DENND4C: variants seen among roughly 807,000 people sequenced by gnomAD.
DENND4C encodes the protein DENN domain-containing protein 4C.
In DENND4C, 108 loss-of-function variants were observed where a neutral mutation model predicts 203.0. That is an observed-to-expected ratio of 0.53 (90% CI 0.46 to 0.62). DENND4C has a LOEUF of 0.62. DENND4C is among the 20% of genes least tolerant of loss of function. The pLI is 0.00. For missense variants in DENND4C, 2,481 were observed against 2,301.2 expected, an observed-to-expected ratio of 1.08 and a Z score of -1.60; for synonymous variants, 871 against 792.4, an observed-to-expected ratio of 1.10 and a Z score of -1.67.
intron 20 of DENND4C, among the ~76,000 whole-genome samples, chr9:19,338,615 T>C (rs927625521): frequency 6.6e-6 from 1 of 152,208 alleles, no homozygotes; most frequent in African/African-American, 2.4e-5. Context: ...GCTCATTTCA[T>C]TAAGGATTAT....
chr9:19,230,882 C>T (rs1194204780), intron 1 of DENND4C, 49 bp downstream of exon 1: 2 of 152,388 alleles, frequency 1.3e-5, no homozygotes, highest in Non-Finnish European at 2.9e-5. Context: ...GCGCCGTGCC[C>T]TCGCGGGGCC....
intron 10 of DENND4C, among the ~76,000 whole-genome samples, chr9:19,310,089 G>A (rs1292158743): frequency 1.3e-5 from 2 of 151,990 alleles, no homozygotes; most frequent in African/African-American, 2.4e-5. Context: ...CTTTCTACTT[G>A]TTGCTAGGAA....
chr9:19,239,133 A>G (rs952123176), intron 1 of DENND4C, among the ~76,000 whole-genome samples: 1 of 151,392 alleles, frequency 6.6e-6, no homozygotes, highest in Non-Finnish European at 1.5e-5. Flanking sequence ...TTTTCCCTCT[A>G]CTTCCCCTTG....
chr9:19,342,780 G>A lies in DENND4C; in HGVS notation c.3151+1G>A, dbSNP rs1821942170. 1 of 1,592,710 alleles carries A rather than the reference G, an allele frequency of 6.3e-7. No individual in the cohort carries two copies. Among genetic ancestry groups the A allele is most frequent in the Non-Finnish European group, 8.5e-7 (1 of 1,171,962 alleles). ...GTCAACAGCAGGAAAAGTAGCACTG[G>A]TGAGTCTTTACATTTTGGTTATTAA... On this transcript the variant is annotated splice_donor_variant, in intron 22 of 32. Coordinates refer to ENST00000434457, the MANE Select transcript of DENND4C (RefSeq NM_001330640.2). LOFTEE classifies it high-confidence loss of function.
At chr9:19,246,116 CAGTA>C (rs1564081983) in intron 1 of DENND4C, among the ~76,000 whole-genome samples, 2 of 150,768 alleles carry the variant, frequency 1.3e-5, no homozygotes, top group African/African-American at 5.0e-5. Flanking sequence ...ATAAAAATTT[CAGTA>C]AGTATTAGTG....
rs200556456 is a variant in DENND4C at position 19,326,123 on chromosome 9, T to C, written c.2049T>C (p.Ser683=). The part of the protein sequence containing the change: ...RLIELDDSQK[S]EHTVFIMPPE... ...TAGAACTAGATGATTCACAGAAAAGTGAGCATACTGTATTTATAATGCCGC... is the reference window on the plus strand; with the variant it reads ...TAGAACTAGATGATTCACAGAAAAGCGAGCATACTGTATTTATAATGCCGC... The change falls in exon 15 of 33, where the codon AGT becomes AGC. Residue 683 remains serine (S), a synonymous_variant. Coordinates refer to ENST00000434457, the MANE Select transcript of DENND4C (RefSeq NM_001330640.2). 6.2e-7 allele frequency: 1 copy of C among 1,613,452 alleles called. No homozygotes were observed. Among genetic ancestry groups the C allele is most frequent in the South Asian group, 1.1e-5 (1 of 90,932 alleles).
intron 2 of DENND4C, among the ~76,000 whole-genome samples, chr9:19,278,528 C>T (rs2175379): frequency 0.24 from 37,013 of 151,848 alleles, 4,656 homozygotes; most frequent in East Asian, 0.44. Flanking sequence ...AGAGCTCTGG[C>T]GAAATTGTTA....
intron 13 of DENND4C, 32 bp from the exon 14 acceptor site, chr9:19,325,907 T>G: frequency 6.3e-7 from 1 of 1,584,620 alleles, no homozygotes; most frequent in Admixed American, 1.8e-5. Flanking sequence ...TAGTGGACAT[T>G]TTCATTAAGA....
intron 30 of DENND4C, 89 bp downstream of exon 30, chr9:19,362,052 C>G: frequency 1.4e-6 from 1 of 698,292 alleles, no homozygotes; most frequent in Non-Finnish European, 2.4e-6. Context: ...GGCTGGCGGA[C>G]CACTTGAGGT....
intron 1 of DENND4C, among the ~76,000 whole-genome samples, chr9:19,251,133 C>T (rs187629277): frequency 1.3e-5 from 2 of 152,364 alleles, no homozygotes. Context: ...TCTTCCTGCC[C>T]ATCCAGGCAT....
At chr9:19,249,517 A>G (rs1049261766) in intron 1 of DENND4C, among the ~76,000 whole-genome samples, 1 of 152,120 alleles carries the variant, frequency 6.6e-6, no homozygotes, top group African/African-American at 2.4e-5. Flanking sequence ...CGGCCTCCCA[A>G]AGTGCTGGGA....
intron 23 of DENND4C, among the ~76,000 whole-genome samples, chr9:19,348,026 A>C (rs1387297116): frequency 6.6e-6 from 1 of 152,246 alleles, no homozygotes; most frequent in African/African-American, 2.4e-5. Context: ...ATAGTATTTG[A>C]GTACTTTAGT....
chr9:19,374,178 A>G lies in DENND4C; in HGVS notation c.*2005A>G, dbSNP rs1004759298. Among the ~76,000 whole-genome samples, 21 of 152,198 alleles carry G rather than the reference A, an allele frequency of 1.4e-4. No homozygotes were observed. The highest frequency in any genetic ancestry group is 2.4e-4 in the Non-Finnish European group (16 of 68,010). On this transcript the variant is annotated 3_prime_UTR_variant, in exon 33 of 33. Coordinates refer to ENST00000434457, the MANE Select transcript of DENND4C (RefSeq NM_001330640.2). ...GAAATCTGTAATCTTTAGAATCCCA[A>G]TATTTTGTTTTTTCCATTCCTTCAC...
chr9:19,272,754 G>GT (rs1831992812), intron 1 of DENND4C, among the ~76,000 whole-genome samples: 2 of 151,826 alleles, frequency 1.3e-5, no homozygotes, highest in African/African-American at 4.8e-5. Context: ...GATTAGACAT[G>GT]TTTTTTTATT....
intron 1 of DENND4C, among the ~76,000 whole-genome samples, chr9:19,254,898 G>A (rs1441386533): frequency 6.6e-6 from 1 of 152,146 alleles, no homozygotes; most frequent in African/African-American, 2.4e-5. Flanking sequence ...TTGGGAGGCT[G>A]AGGCGTGTAG....
At chr9:19,306,795 T>A (rs367936855) in intron 10 of DENND4C, among the ~76,000 whole-genome samples, 1 of 132,292 alleles carries the variant, frequency 7.6e-6, no homozygotes, top group Non-Finnish European at 1.7e-5. Flanking sequence ...TTATTTATTT[T>A]GAGACAGAGT....
chr9:19,319,779 A>T (rs1842577231), intron 12 of DENND4C, among the ~76,000 whole-genome samples: 1 of 152,180 alleles, frequency 6.6e-6, no homozygotes, highest in South Asian at 2.1e-4. Context: ...AACTATCTTA[A>T]TAAGTGTGTT....
intron 16 of DENND4C, among the ~76,000 whole-genome samples, chr9:19,330,837 G>A (rs1021195057): frequency 8.6e-5 from 13 of 151,944 alleles, no homozygotes; most frequent in Non-Finnish European, 1.8e-4. Flanking sequence ...ATCACCTGAG[G>A]TCAGGAGTTC....
chr9:19,342,808 A>G, intron 22 of DENND4C, 29 bp downstream of exon 22: 1 of 1,529,214 alleles, frequency 6.5e-7, no homozygotes. Flanking sequence ...GTTATTAAAT[A>G]TTTAAAATAT....
Sources: allele counts gnomAD v4.1 joint callset (sites outside exome capture counted in the v4.1 genomes callset), GRCh38; gene constraint gnomAD v4.1.1; transcripts MANE v1.5; gene names NCBI Gene and HGNC (gene_info 2026-07-23, HGNC 2026-07-21).